Variants in LCP2 observed in about 807,000 individuals in gnomAD.
LCP2 encodes the protein 76 kDa tyrosine phosphoprotein.
In LCP2, 29 loss-of-function variants were observed where a neutral mutation model predicts 74.5. That is an observed-to-expected ratio of 0.39 (90% CI 0.29 to 0.53). The LOEUF is 0.53. Ranked by LOEUF, LCP2 falls within the 20% of genes least tolerant of loss-of-function variation. The pLI, the probability that LCP2 is intolerant of heterozygous loss-of-function variation, is 0.72. For missense variants in LCP2, 604 were observed against 634.6 expected (o/e 0.95, Z 0.52); for synonymous variants, 228 against 229.5 (o/e 0.99, Z 0.06).
intron 10 of LCP2, among the ~76,000 whole-genome samples, chr5:170,264,978 CTTTTTTTTTTTT>C (rs58508083): frequency 0.46 from 49,961 of 109,602 alleles, 9,738 homozygotes; most frequent in East Asian, 0.75. Context: ...CAAAATTTGC[CTTTTTTTTTTTT>C]TTTTTTTTTT....
At chr5:170,277,724 C>T (rs1403670605) in intron 3 of LCP2, among the ~76,000 whole-genome samples, 1 of 118,068 alleles carries the variant, frequency 8.5e-6, no homozygotes, top group Non-Finnish European at 1.6e-5. Context: ...AGCCTGGGGA[C>T]AGGAGCAAAA....
rs374441441 is a variant in LCP2, at chr5:170,262,980, G to T, written c.785C>A (p.Pro262Gln). Residue 262 changes from proline to glutamine, a missense_variant, in exon 11 of 21, where the codon CCA becomes CAA. Transcript: ENST00000046794. ...REPFTLGKKP[P>Q]FSDKPSIPAG... ...TTCACAGCTTACCTTGTCAGAAAAT[G>T]GTGGTTTCTTTCCTGTAAATGACAG... 2 of 1,613,838 alleles carry T rather than the reference G, an allele frequency of 1.2e-6. No individual in the cohort carries two copies. The highest frequency in any genetic ancestry group is 1.3e-5 in the African/African-American group (1 of 74,934).
At chr5:170,275,404 C>T in intron 4 of LCP2, 53 bp from the exon 5 acceptor site, 2 of 1,600,146 alleles carry the variant, frequency 1.2e-6, no homozygotes, top group Non-Finnish European at 1.7e-6. Context: ...AAGGGGATCT[C>T]CCTCTTTCCT....
At position 170,297,651 on chromosome 5, in the gene LCP2, G is replaced by C; in HGVS notation, c.-40C>G. On this transcript the variant is annotated 5_prime_UTR_variant, in exon 1 of 21. Coordinates refer to ENST00000046794, the MANE Select transcript of LCP2 (RefSeq NM_005565.5). ...GAAGAAGCTCACAAGCTGAGCATGG[G>C]CGCTTCACCCATGGGCAGAGAAGCT... 1.9e-6 allele frequency: 3 copies of C among 1,562,338 alleles called. No individual in the cohort carries two copies. Among genetic ancestry groups the C allele is most frequent in the Non-Finnish European group, 2.6e-6 (3 of 1,146,726 alleles).
Position 170,263,771 on chromosome 5 carries a change from A to G in LCP2, c.773-779T>C, listed in dbSNP as rs111733004. On this transcript the variant is annotated intron_variant, in intron 10 of 20. Transcript: ENST00000046794. The stretch of plus-strand genomic sequence containing the variant: ...AACCAGGTCTAGAAGCAAATCCCAC[A>G]TGACCAAGAACAAGTTATTTAAGGT... Among the ~76,000 whole-genome samples, 675 of 152,342 alleles carry G rather than the reference A, an allele frequency of 4.4e-3. 1 individual carries two copies. The highest frequency in any genetic ancestry group is 0.015 in the African/African-American group (630 of 41,566).
At chr5:170,267,729 C>T (rs1761794566) in intron 8 of LCP2, among the ~76,000 whole-genome samples, 1 of 152,178 alleles carries the variant, frequency 6.6e-6, no homozygotes, top group Non-Finnish European at 1.5e-5. Context: ...ATCTTGTTCA[C>T]ACTTTATCCC....
In LCP2 at chr5:170,273,938, G is replaced by A. The variant is rs1306601686; in HGVS notation, c.324+363C>T. 1.5e-4 allele frequency: 32 copies of A among 211,908 alleles called. No individual in the cohort carries two copies. The Admixed American group carries it at 1.6e-3, about 11-fold the overall frequency. The allele number at this position is 211,908 out of a possible 1,614,324, so 13.1% of individuals were successfully genotyped here. ...TTGGAGACGGGGGGGTAGTGGGTGG[G>A]GGTTGGTAACAGTGGGTGAAGTGCA... On this transcript the variant is annotated intron_variant, in intron 6 of 20. Coordinates refer to ENST00000046794, the MANE Select transcript of LCP2 (RefSeq NM_005565.5).
Position 170,248,614 on chromosome 5 carries a change from GTGTT to G in LCP2, c.*79_*82del. 8 of 1,477,338 alleles carry G rather than the reference GTGTT, an allele frequency of 5.4e-6. No individual in the cohort carries two copies. The South Asian group carries it at 8.2e-5, about 15-fold the overall frequency. 91.5% of individuals were successfully genotyped at this position (1,477,338 alleles called of 1,614,324 possible). A position where few individuals can be genotyped will look rare whatever the true frequency, so the allele number is the denominator to read the frequency against. ...GGGGAGGGGTTCAGTTCAGTCCTAA[GTGTT>G]TGTCCATTGACCAAGGCTGATTGAT... On this transcript the variant is annotated 3_prime_UTR_variant, in exon 21 of 21. Coordinates refer to ENST00000046794, the MANE Select transcript of LCP2 (RefSeq NM_005565.5).
intron 15 of LCP2, 146 bp downstream of exon 15, chr5:170,258,720 G>A: frequency 3.6e-6 from 2 of 551,522 alleles, no homozygotes; most frequent in Non-Finnish European, 6.5e-6. Context: ...TATGCAGTAT[G>A]CCAATTGACA....
At position 170,270,786 on chromosome 5, in the gene LCP2, G is replaced by C; in HGVS notation, c.456C>G (p.Asp152Glu). The change falls in exon 7 of 21, where the codon GAC (aspartate) becomes GAG (glutamate). Residue 152 changes from aspartate to glutamate, a missense_variant. Physicochemically the swap from Asp to Glu is conservative, Grantham distance 45 (BLOSUM62 2). Coordinates refer to ENST00000046794, the MANE Select transcript of LCP2 (RefSeq NM_005565.5). ...DADYEPPPSN[D>E]EEALQNSILP... ...GGATGGAGTTCTGCAGAGCTTCCTCGTCATTGGAGGGTGGCGGCTCATAAT... is the reference window on the plus strand; with the variant it reads ...GGATGGAGTTCTGCAGAGCTTCCTCCTCATTGGAGGGTGGCGGCTCATAAT... 2 of 1,604,734 alleles carry C rather than the reference G, an allele frequency of 1.2e-6. No homozygotes were observed.
chr5:170,262,864 G>T lies in LCP2; in HGVS notation c.799-3C>A. Reference sequence around the variant, plus strand: ...TACCTTCCCGCTGGAATCGAGGGCTGCAAGACAGGAGGAAAAATGTATGAG... The same window carrying T: ...TACCTTCCCGCTGGAATCGAGGGCTTCAAGACAGGAGGAAAAATGTATGAG... On this transcript the variant is annotated splice_polypyrimidine_tract_variant and splice_region_variant and intron_variant, in intron 11 of 20. Coordinates refer to ENST00000046794, the MANE Select transcript of LCP2 (RefSeq NM_005565.5). 1 of 1,614,056 alleles carries T rather than the reference G, an allele frequency of 6.2e-7. No individual in the cohort carries two copies. Among genetic ancestry groups the T allele is most frequent in the African/African-American group, 1.3e-5 (1 of 75,064 alleles).
rs1368028263 is a variant in LCP2 at position 170,267,200 on chromosome 5, C to T, written c.622-125G>A. ...TGTTCTGCCTACAAACATCCATGTC[C>T]ATTTCTTCACTGAACTACCGCAGTA... is the stretch of plus-strand genomic sequence containing the variant. On this transcript the variant is annotated intron_variant, in intron 8 of 20. Transcript: ENST00000046794. The T allele has an allele frequency of 4.3e-6, 4 of 938,822 alleles. No individual in the cohort carries two copies. The East Asian group carries it at 9.8e-5, about 23-fold the overall frequency. 58.2% of individuals were successfully genotyped at this position (938,822 alleles called of 1,614,324 possible). A position where few individuals can be genotyped will look rare whatever the true frequency, so the allele number is the denominator to read the frequency against.
At chr5:170,253,597 T>G (rs1156987515) in intron 17 of LCP2, among the ~76,000 whole-genome samples, 1 of 152,252 alleles carries the variant, frequency 6.6e-6, no homozygotes, top group African/African-American at 2.4e-5. Context: ...AATATCATCA[T>G]AGGCAGAATG....
chr5:170,272,734 G>A (rs532659935), intron 6 of LCP2, among the ~76,000 whole-genome samples: 231 of 143,920 alleles, frequency 1.6e-3, no homozygotes, highest in Middle Eastern at 3.7e-3. Context: ...TGCCTCAGCC[G>A]CCCAAGTAGC....
At chr5:170,285,798 G>A (rs535149437) in intron 3 of LCP2, among the ~76,000 whole-genome samples, 1 of 152,124 alleles carries the variant, frequency 6.6e-6, no homozygotes, top group East Asian at 1.9e-4. Flanking sequence ...TTGCTAAAGA[G>A]GGGCCCCTCT....
At chr5:170,273,990 G>A (rs1561973070) in intron 6 of LCP2, 4 of 381,552 alleles carry the variant, frequency 1.0e-5, no homozygotes, top group East Asian at 5.3e-5. Context: ...CTAGGGCCAC[G>A]TGCAGCCTAC....
At chr5:170,265,388 C>T (rs762620787) in intron 10 of LCP2, among the ~76,000 whole-genome samples, 29 of 152,036 alleles carry the variant, frequency 1.9e-4, no homozygotes, top group Non-Finnish European at 3.2e-4. Flanking sequence ...TCACAGAAAA[C>T]GGACTAATTC....
chr5:170,293,176 C>T (rs1176636937), intron 2 of LCP2, 134 bp downstream of exon 2: 1 of 792,226 alleles, frequency 1.3e-6, no homozygotes, highest in Non-Finnish European at 2.1e-6. Context: ...GAGAGGGGGC[C>T]CTACCAAATT....
At position 170,261,137 on chromosome 5, in the gene LCP2, C is replaced by T. The variant is rs760615237; in HGVS notation, c.927G>A (p.Lys309=). ...PLPGKKPPVP[K]HGWGPDRREN... ...CTCTTCTGTCTGGTCCCCATCCATG[C>T]CTGAAATGAATTAGGGCAAATAAAA... The change falls in exon 14 of 21, where the codon AAG becomes AAA. Residue 309 remains lysine, a splice_region_variant and synonymous_variant. Transcript: ENST00000046794. 2.5e-6 allele frequency: 4 copies of T among 1,602,480 alleles called. No homozygotes were observed. In the South Asian group the frequency reaches 4.4e-5, roughly 18 times the overall value.
Sources: allele counts gnomAD v4.1 joint callset (sites outside exome capture counted in the v4.1 genomes callset), GRCh38; gene constraint gnomAD v4.1.1; transcripts MANE v1.5; gene names NCBI Gene and HGNC (gene_info 2026-07-23, HGNC 2026-07-21).